Variants in SMYD3 observed in about 807,000 individuals in gnomAD.
The protein encoded by SMYD3 is SET and MYND domain containing 3, also known as histone-lysine N-methyltransferase SMYD3.
In SMYD3, 36 loss-of-function variants were observed where a neutral mutation model predicts 57.7. That is an observed-to-expected ratio of 0.62 (90% CI 0.48 to 0.82). SMYD3 has a LOEUF of 0.82. Among genes scored for constraint, SMYD3 ranks in the 40% least tolerant of loss-of-function variants. The pLI is 0.00. For synonymous variants in SMYD3, 211 were observed against 195.0 expected (o/e 1.08, Z -0.68); for missense variants, 515 against 538.8 (o/e 0.96, Z 0.44).
At chr1:246,363,157 TCTGAGAAGTGAGGAGCCCCTCCGCCC>T (rs1334355007) in intron 1 of SMYD3, among the ~76,000 whole-genome samples, 29 of 149,512 alleles carry the variant, frequency 1.9e-4, no homozygotes, top group African/African-American at 7.2e-4. Flanking sequence ...AGCCGCCCCG[TCTGAGAAGTGAGGAGCCCCTCCGCCC>T]GGCAGCCACC....
chr1:246,466,619 C>T (rs1210617464), intron 1 of SMYD3, among the ~76,000 whole-genome samples: 1 of 152,152 alleles, frequency 6.6e-6, no homozygotes, highest in East Asian at 1.9e-4. Flanking sequence ...ATACAACAAA[C>T]CCACATCACA....
rs1355522057 is a variant in SMYD3 at position 246,478,901 on chromosome 1, T to C, written c.164+28153A>G. 7.5e-4 allele frequency among the ~76,000 whole-genome samples: 104 copies of C among 138,188 alleles called. 27 individuals carry two copies. The highest frequency in any genetic ancestry group is 1.5e-3 in the East Asian group (6 of 4,120). 90.7% of individuals were successfully genotyped at this position (138,188 alleles called of 152,430 possible). A position where few individuals can be genotyped will look rare whatever the true frequency, so the allele number is the denominator to read the frequency against. ...TGTCCTCCGTCCTGGAGCTGGTACA[T>C]AAGTGCTCGTATATGTACACCTGTC... On this transcript the variant is annotated intron_variant, in intron 1 of 11. Coordinates refer to ENST00000490107, the MANE Select transcript of SMYD3 (RefSeq NM_001167740.2).
At chr1:245,967,602 T>A (rs1240957909) in intron 5 of SMYD3, among the ~76,000 whole-genome samples, 1 of 152,156 alleles carries the variant, frequency 6.6e-6, no homozygotes, top group Non-Finnish European at 1.5e-5. Context: ...GTCTACCTAG[T>A]GTGAAATGTG....
chr1:245,781,028 AT>A (rs2046808706), intron 10 of SMYD3, among the ~76,000 whole-genome samples: 1 of 152,302 alleles, frequency 6.6e-6, no homozygotes, highest in South Asian at 2.1e-4. Flanking sequence ...TTGATAGGAA[AT>A]TTGTAGAAAA....
intron 5 of SMYD3, among the ~76,000 whole-genome samples, chr1:246,146,836 A>C (rs556100861): frequency 6.6e-6 from 1 of 152,298 alleles, no homozygotes; most frequent in African/African-American, 2.4e-5. Flanking sequence ...AGAAAGCAGC[A>C]GCTGAAAATT....
intron 1 of SMYD3, among the ~76,000 whole-genome samples, chr1:246,413,305 G>A (rs2067006854): frequency 1.3e-5 from 2 of 152,056 alleles, no homozygotes; most frequent in African/African-American, 2.4e-5. Flanking sequence ...TCAAATCCAG[G>A]AACCTGACTC....
chr1:245,856,485 A>G (rs979036504), intron 10 of SMYD3, among the ~76,000 whole-genome samples: 2 of 152,182 alleles, frequency 1.3e-5, no homozygotes, highest in African/African-American at 4.8e-5. Context: ...AATATAACCA[A>G]ACGTTTCCCA....
In SMYD3 at chr1:246,165,305, G is replaced by T. The variant is rs558204051; in HGVS notation, c.531+161896C>A. On this transcript the variant is annotated intron_variant, in intron 5 of 11. Transcript: ENST00000490107. The stretch of plus-strand genomic sequence containing the variant: ...ATTGTGAAAGGAGAGATGATTCAAA[G>T]ATAAGTAGAGGAAGAGGTGGAGCAA... Among the ~76,000 whole-genome samples the T allele has an allele frequency of 4.6e-5, 7 of 152,342 alleles. No individual in the cohort carries two copies. In the East Asian group the frequency reaches 1.2e-3, roughly 25 times the overall value.
intron 1 of SMYD3, 63 bp downstream of exon 1, chr1:246,506,991 C>CCCCCCCCCCCCCCCCCCCCCCCCCA: frequency 1.2e-6 from 1 of 815,392 alleles, no homozygotes; most frequent in Non-Finnish European, 1.7e-6. Flanking sequence ...CGCCCGACGC[C>CCCCCCCCCCCCCCCCCCCCCCCCCA]CCCCCCTCCC....
At chr1:246,101,792 G>C (rs1454682686) in intron 5 of SMYD3, among the ~76,000 whole-genome samples, 1 of 152,190 alleles carries the variant, frequency 6.6e-6, no homozygotes, top group Non-Finnish European at 1.5e-5. Flanking sequence ...GCAAGCGTAA[G>C]ATAAACATTA....
intron 5 of SMYD3, among the ~76,000 whole-genome samples, chr1:246,023,697 G>C (rs1279320873): frequency 8.5e-5 from 13 of 152,060 alleles, no homozygotes; most frequent in Admixed American, 8.5e-4. Flanking sequence ...AAGACGGCAC[G>C]TTCAGGGGCT....
In SMYD3 at chr1:246,170,431, TA is replaced by T. The variant is rs763707089; in HGVS notation, c.531+156769del. ...CATTACTTTTTTTTTTTTTTGCTAT[TA>T]AAAAAAAGTATAATTACTGCTTTCA... On this transcript the variant is annotated intron_variant, in intron 5 of 11. Transcript: ENST00000490107. 1.7e-3 allele frequency among the ~76,000 whole-genome samples: 265 copies of T among 151,534 alleles called. 1 individual carries two copies. Among genetic ancestry groups the T allele is most frequent in the African/African-American group, 5.7e-3 (236 of 41,376 alleles).
At chr1:245,947,351 C>T (rs190507380) in intron 5 of SMYD3, 4 of 456,952 alleles carry the variant, frequency 8.8e-6, no homozygotes, top group African/African-American at 4.0e-5. Flanking sequence ...TCATACACGG[C>T]ACAACCAGAG....
chr1:246,016,139 C>T (rs1477426410), intron 5 of SMYD3, among the ~76,000 whole-genome samples: 4 of 151,820 alleles, frequency 2.6e-5, no homozygotes, highest in Admixed American at 6.6e-5. Context: ...CTCTGGCTCA[C>T]GCCTGTAGTC....
chr1:245,814,924 C>T (rs2048717804), intron 10 of SMYD3, among the ~76,000 whole-genome samples: 1 of 151,966 alleles, frequency 6.6e-6, no homozygotes, highest in South Asian at 2.1e-4. Flanking sequence ...CTGAAGGCTC[C>T]CAAGACATCT....
At chr1:246,055,503 T>C (rs1010094235) in intron 5 of SMYD3, among the ~76,000 whole-genome samples, 1 of 152,190 alleles carries the variant, frequency 6.6e-6, no homozygotes, top group Non-Finnish European at 1.5e-5. Context: ...CACTTCTGGG[T>C]ATATAACCTG....
intron 5 of SMYD3, among the ~76,000 whole-genome samples, chr1:246,192,384 T>C (rs933236720): frequency 3.3e-5 from 5 of 152,336 alleles, no homozygotes; most frequent in South Asian, 4.1e-4. Flanking sequence ...AGCAGGGCAG[T>C]TGTTAAATGT....
intron 5 of SMYD3, among the ~76,000 whole-genome samples, chr1:246,143,224 T>C (rs557174542): frequency 7.2e-5 from 11 of 151,954 alleles, no homozygotes; most frequent in Admixed American, 5.2e-4. Flanking sequence ...GCTTAAAGGA[T>C]AGGGACTCTT....
chr1:245,841,575 C>T (rs948666991), intron 10 of SMYD3, among the ~76,000 whole-genome samples: 1 of 151,966 alleles, frequency 6.6e-6, no homozygotes, highest in African/African-American at 2.4e-5. Context: ...GACGGAAACA[C>T]AAAATTAAGG....
Sources: gnomAD v4.1 joint callset for allele counts (sites outside exome capture counted in the v4.1 genomes callset) on GRCh38, gnomAD v4.1.1 for gene constraint, MANE v1.5 for transcripts, NCBI Gene and HGNC (gene_info 2026-07-23, HGNC 2026-07-21) for gene names.